Variants in CHD4 observed in about 807,000 individuals in gnomAD.
CHD4 encodes ATP-dependent chromatin remodeler CHD4.
Under a neutral mutation model 235.5 loss-of-function variants are expected in CHD4, and 35 were observed. The ratio of observed to expected loss-of-function variants is 0.15; its 90% CI spans 0.11 to 0.20. The LOEUF is 0.20. Ranked by LOEUF, CHD4 falls within the 10% of genes least tolerant of loss-of-function variation. CHD4 has a pLI of 1.00. For synonymous variants in CHD4, 900 were observed against 850.2 expected (o/e 1.06, Z -1.02); for missense variants, 1,329 against 2,432.3 (o/e 0.55, Z 9.54).
chr12:6,581,836 T>C, intron 30 of CHD4, 22 bp from the exon 31 acceptor site: 1 of 1,504,998 alleles, frequency 6.6e-7, no homozygotes. Context: ...GGACAAGAAG[T>C]TGAAGACCCA....
chr12:6,581,532 A>C (rs910538116), intron 31 of CHD4, 117 bp downstream of exon 31: 13 of 1,537,922 alleles, frequency 8.5e-6, no homozygotes, highest in South Asian at 1.1e-5. Flanking sequence ...TCCTAAACTG[A>C]GAGGGAATTG....
chr12:6,581,581 C>G, intron 31 of CHD4, 68 bp downstream of exon 31: 1 of 1,607,248 alleles, frequency 6.2e-7, no homozygotes, highest in Non-Finnish European at 8.5e-7. Flanking sequence ...GAACTGAGCA[C>G]AGGGGAGCAG....
chr12:6,598,376 C>T lies in CHD4; in HGVS notation c.1532G>A (p.Gly511Asp). 6.2e-7 allele frequency: 1 copy of T among 1,613,664 alleles called. No homozygotes were observed. The highest frequency in any genetic ancestry group is 8.5e-7 in the Non-Finnish European group (1 of 1,179,732). ...KVQKILIWKW[G>D]QPPSPTPVPR... ...CACTGGTGTGGGAGATGGTGGCTGA[C>T]CCCACTTCCAGATTAGGATCTTCTG... is the stretch of plus-strand genomic sequence containing the variant. Residue 511 changes from glycine (G) to aspartate (D), a missense_variant, in exon 11 of 40, where the codon GGT becomes GAT. Coordinates refer to ENST00000544040, the MANE Select transcript of CHD4 (RefSeq NM_001273.5).
chr12:6,578,612 A>G, intron 34 of CHD4, 66 bp from the exon 35 acceptor site: 1 of 1,602,032 alleles, frequency 6.2e-7, no homozygotes, highest in Middle Eastern at 1.7e-4. Context: ...CCTTACCCAG[A>G]ACACTGTATG....
At chr12:6,577,417 C>CAAAAAA (rs60910415) in intron 37 of CHD4, among the ~76,000 whole-genome samples, 2 of 87,320 alleles carry the variant, frequency 2.3e-5, no homozygotes, top group East Asian at 3.9e-4. Context: ...GATTCTGCCT[C>CAAAAAA]AAAAAAAAAA....
In CHD4 at chr12:6,587,866, G is replaced by A. The variant is rs144001531; in HGVS notation, c.3549C>T (p.Arg1183=). ...TTTTCTTCTTTGCCACCTGCGTGAT[G>A]CGCTCCTCCACTGACGCACGGGTCA... The part of the protein sequence containing the change: ...RFVTRASVEE[R]ITQVAKKKMM... Residue 1183 remains arginine (R), a synonymous_variant, in exon 24 of 40, where the codon CGC becomes CGT. Coordinates refer to ENST00000544040, the MANE Select transcript of CHD4 (RefSeq NM_001273.5). 17 of 1,614,074 alleles carry A rather than the reference G, an allele frequency of 1.1e-5. No individual in the cohort carries two copies. The African/African-American group carries it at 2.3e-4, about 22-fold the overall frequency.
Position 6,578,427 on chromosome 12 carries a change from C to T in CHD4, c.5101G>A (p.Ala1701Thr). The change falls in exon 35 of 40, where the codon GCA becomes ACA. Residue 1701 changes from alanine (A) to threonine (T), a missense_variant. By Grantham distance (58) the Ala-to-Thr change is moderately conservative (BLOSUM62 0). Around this residue, in one of 26 missense-constraint regions of CHD4, gnomAD observed 135 missense variants for 282.3 expected, o/e 0.48. Transcript: ENST00000544040. The stretch of plus-strand genomic sequence containing the variant: ...TCCATACCAGTAAAACCACCATCTG[C>T]AATGTTAAACATGAAACGTTGTTTA... Reference protein sequence around the residue: ...NIKQRFMFNIADGGFTELHSL... With the variant: ...NIKQRFMFNITDGGFTELHSL... 6.2e-7 allele frequency: 1 copy of T among 1,613,828 alleles called. No individual in the cohort carries two copies. Among genetic ancestry groups the T allele is most frequent in the Non-Finnish European group, 8.5e-7 (1 of 1,179,976 alleles).
chr12:6,601,799 C>A (rs768355084), intron 4 of CHD4, 33 bp from the exon 5 acceptor site: 2 of 1,584,940 alleles, frequency 1.3e-6, no homozygotes, highest in South Asian at 2.2e-5. Context: ...TAAGTACCTG[C>A]CACCTAGTGC....
intron 29 of CHD4, 41 bp downstream of exon 29, chr12:6,582,574 A>G (rs555059844): frequency 6.4e-7 from 1 of 1,567,030 alleles, no homozygotes; most frequent in Non-Finnish European, 8.6e-7. Context: ...AGATAGCAGA[A>G]GCCCTTGCTC....
chr12:6,601,879 G>A (rs1165475193), intron 4 of CHD4, 81 bp downstream of exon 4: 18 of 1,563,110 alleles, frequency 1.2e-5, no homozygotes, highest in Middle Eastern at 1.7e-4. Context: ...AAGAGAAAGT[G>A]TTCTAAAGGG....
intron 22 of CHD4, among the ~76,000 whole-genome samples, chr12:6,588,761 G>C (rs1186232485): frequency 6.6e-6 from 1 of 150,454 alleles, no homozygotes; most frequent in African/African-American, 2.4e-5. Flanking sequence ...CTGGGCAACA[G>C]AGCAAGAAAC....
chr12:6,601,140 T>G lies in CHD4; in HGVS notation c.800-87A>C, dbSNP rs539757855. The G allele has an allele frequency of 2.6e-6, 4 of 1,525,276 alleles. No homozygotes were observed. The East Asian group carries it at 9.1e-5, about 35-fold the overall frequency. 94.5% of individuals were successfully genotyped at this position (1,525,276 alleles called of 1,614,324 possible). A position where few individuals can be genotyped will look rare whatever the true frequency, so the allele number is the denominator to read the frequency against. ...CTCCACCTAAGCTTGCTTCCCCACA[T>G]TCAGATTCCCAAATTTCCCTCCAAA... On this transcript the variant is annotated intron_variant, in intron 6 of 39. Transcript: ENST00000544040.
At chr12:6,602,525 G>A (rs1361114086) in intron 2 of CHD4, 28 bp from the exon 3 acceptor site, 2 of 1,607,338 alleles carry the variant, frequency 1.2e-6, no homozygotes, top group Non-Finnish European at 1.7e-6. Flanking sequence ...AGAGTGGTAG[G>A]CAGGGAAAAG....
At chr12:6,595,958 A>C (rs77142928) in intron 13 of CHD4, 48 bp downstream of exon 13, 4 of 869,784 alleles carry the variant, frequency 4.6e-6, no homozygotes, top group African/African-American at 1.8e-5. Context: ...CTCCATCTCA[A>C]AAAAAAAAAA....
rs867351991 is a variant in CHD4 at position 6,600,815 on chromosome 12, G to A, written c.927+111C>T. 8 of 1,509,072 alleles carry A rather than the reference G, an allele frequency of 5.3e-6. No individual in the cohort carries two copies. The South Asian group carries it at 9.4e-5, about 18-fold the overall frequency. 93.5% of individuals were successfully genotyped at this position (1,509,072 alleles called of 1,614,324 possible). A position where few individuals can be genotyped will look rare whatever the true frequency, so the allele number is the denominator to read the frequency against. ...AGCCTAGTCTCATCTTGTTCTGTGGGAAACGCCCCACATTCTTACGTGCCT... is the reference window on the plus strand; with the variant it reads ...AGCCTAGTCTCATCTTGTTCTGTGGAAAACGCCCCACATTCTTACGTGCCT... On this transcript the variant is annotated intron_variant, in intron 7 of 39. Transcript: ENST00000544040.
chr12:6,602,593 T>C (rs1948616741), intron 2 of CHD4, 96 bp from the exon 3 acceptor site: 1 of 1,451,166 alleles, frequency 6.9e-7, no homozygotes. Context: ...TCCCCACCTC[T>C]TGTCCCAGAT....
intron 37 of CHD4, among the ~76,000 whole-genome samples, chr12:6,575,079 T>C (rs1948045141): frequency 1.3e-5 from 2 of 151,776 alleles, no homozygotes; most frequent in African/African-American, 4.8e-5. Flanking sequence ...GTGGCTGCTT[T>C]CACACAACAA....
rs750214515 is a variant in CHD4 at position 6,570,665 on chromosome 12, A to C, written c.*11T>G. 4.0e-5 allele frequency: 64 copies of C among 1,614,058 alleles called. No homozygotes were observed. Among genetic ancestry groups the C allele is most frequent in the Non-Finnish European group, 2.5e-6 (3 of 1,180,024 alleles). ...ACTGCTCAGCGGTGGAGGTGGTATC[A>C]GTCTGCATCTTCACTGCTGCTGGGC... On this transcript the variant is annotated 3_prime_UTR_variant, in exon 40 of 40. Transcript: ENST00000544040.
intron 21 of CHD4, 41 bp downstream of exon 21, chr12:6,591,653 T>G: frequency 6.2e-7 from 1 of 1,613,870 alleles, no homozygotes; most frequent in Non-Finnish European, 8.5e-7. Flanking sequence ...CACTAAGGGT[T>G]GTCTATGACT....
Sources: allele counts gnomAD v4.1 joint callset (sites outside exome capture counted in the v4.1 genomes callset), GRCh38; gene constraint gnomAD v4.1.1; regional missense constraint gnomAD v4.1.1; transcripts MANE v1.5; gene names NCBI Gene and HGNC (gene_info 2026-07-23, HGNC 2026-07-21).